Variants in SLIT1 observed in about 807,000 individuals in gnomAD.
SLIT1 encodes the protein slit homolog 1 protein.
Under a neutral mutation model 186.1 loss-of-function variants are expected in SLIT1, and 66 were observed. The observed-to-expected ratio is 0.35, with a 90% confidence interval of 0.29 to 0.44. The LOEUF (loss-of-function observed/expected upper bound fraction) is 0.44. SLIT1 is among the 20% of genes least tolerant of loss of function. The pLI is 1.00. For missense variants in SLIT1, 1,638 were observed against 2,037.4 expected (o/e 0.80, Z 3.77); for synonymous variants, 761 against 833.8 (o/e 0.91, Z 1.50).
At position 97,010,271 on chromosome 10, in the gene SLIT1, C is replaced by G. The variant is rs1848399271; in HGVS notation, c.3341+722G>C. Among the ~76,000 whole-genome samples, 1 of 152,176 alleles carries G rather than the reference C, an allele frequency of 6.6e-6. No individual in the cohort carries two copies. The highest frequency in any genetic ancestry group is 2.4e-5 in the African/African-American group (1 of 41,424). ...GACACATGTTACCACACGGATGAAC[C>G]TCAAAACATGATGCTGAGTGAAAGC... is the stretch of plus-strand genomic sequence containing the variant. On this transcript the variant is annotated intron_variant, in intron 31 of 36. Coordinates refer to ENST00000266058, the MANE Select transcript of SLIT1 (RefSeq NM_003061.3). The surrounding 1 kb of genome is among the most constrained non-coding windows in gnomAD (Gnocchi z 4.8).
At chr10:97,139,494 A>G (rs1347255530) in intron 4 of SLIT1, among the ~76,000 whole-genome samples, 2 of 152,224 alleles carry the variant, frequency 1.3e-5, no homozygotes. Context: ...CTAAGAGAAG[A>G]GTATTATCAA....
At chr10:97,013,997 A>C in intron 29 of SLIT1, 22 bp downstream of exon 29, 1 of 1,611,106 alleles carries the variant, frequency 6.2e-7, no homozygotes, top group Non-Finnish European at 8.5e-7. Flanking sequence ...TCCCCCAGAC[A>C]CTGCTGCCCT....
Position 97,048,993 on chromosome 10 carries a change from C to T in SLIT1, c.1427G>A (p.Arg476His), listed in dbSNP as rs945505865. 17 of 1,609,652 alleles carry T rather than the reference C, an allele frequency of 1.1e-5. No individual in the cohort carries two copies. The highest frequency in any genetic ancestry group is 4.1e-5 in the African/African-American group (3 of 73,906). The change falls in exon 14 of 37, where the codon CGC becomes CAC. Residue 476 changes from arginine to histidine, a missense_variant. Physicochemically the swap from Arg to His is conservative, Grantham distance 29. This residue lies in a region of SLIT1 where 1,245 missense variants were observed against 1,535.3 expected (regional missense o/e 0.81). Coordinates refer to ENST00000266058, the MANE Select transcript of SLIT1 (RefSeq NM_003061.3). Reference protein sequence around the residue: ...CASPRRLANKRIGQIKSKKFR... With the variant: ...CASPRRLANKHIGQIKSKKFR... ...CTTCTTGCTCTTGATCTGCCCGATGCGCTTGTTGGCGAGGCGCCGGGGACT... is the reference window on the plus strand; with the variant it reads ...CTTCTTGCTCTTGATCTGCCCGATGTGCTTGTTGGCGAGGCGCCGGGGACT...
At chr10:97,171,818 CA>C (rs1327351394) in intron 1 of SLIT1, among the ~76,000 whole-genome samples, 446 of 137,306 alleles carry the variant, frequency 3.2e-3, no homozygotes, top group South Asian at 3.5e-3. Context: ...AACTCCATCT[CA>C]AAAAAAAAAA....
chr10:97,135,361 GA>G (rs1213817271), intron 4 of SLIT1, among the ~76,000 whole-genome samples: 2 of 152,194 alleles, frequency 1.3e-5, no homozygotes, highest in African/African-American at 4.8e-5. Context: ...AAAGAGGAGG[GA>G]AGGGACATGC....
intron 4 of SLIT1, among the ~76,000 whole-genome samples, chr10:97,109,334 G>A (rs190409034): frequency 2.0e-5 from 3 of 152,194 alleles, no homozygotes; most frequent in South Asian, 2.1e-4. Flanking sequence ...AATGATGCCC[G>A]CACTCCTATC....
chr10:97,063,347 C>T, intron 8 of SLIT1, 108 bp downstream of exon 8: 1 of 1,236,104 alleles, frequency 8.1e-7, no homozygotes, highest in Non-Finnish European at 1.2e-6. Flanking sequence ...TGGGCGGGGT[C>T]AGGAGGTGAT....
intron 4 of SLIT1, among the ~76,000 whole-genome samples, chr10:97,090,535 G>A (rs1187625243): frequency 6.6e-6 from 1 of 152,202 alleles, no homozygotes; most frequent in Non-Finnish European, 1.5e-5. Context: ...GAGAGCAGCA[G>A]GGTCTGGCTG....
chr10:97,056,712 G>A (rs1002748784), intron 12 of SLIT1, among the ~76,000 whole-genome samples: 1 of 152,224 alleles, frequency 6.6e-6, no homozygotes, highest in African/African-American at 2.4e-5. Flanking sequence ...TGCTAGAGAT[G>A]CCCTGTGGGA....
chr10:97,113,137 A>T (rs1849479609), intron 4 of SLIT1, among the ~76,000 whole-genome samples: 1 of 152,188 alleles, frequency 6.6e-6, no homozygotes, highest in Admixed American at 6.5e-5. Context: ...ATCTACAAAG[A>T]TGCATTAATT....
In SLIT1 at chr10:97,068,681, C is replaced by T. The variant is rs1342292573; in HGVS notation, c.414-2595G>A. Among the ~76,000 whole-genome samples the T allele has an allele frequency of 2.0e-5, 3 of 152,166 alleles. No individual in the cohort carries two copies. Among genetic ancestry groups the T allele is most frequent in the South Asian group, 2.1e-4 (1 of 4,828 alleles). ...TCTTGTGGGGGAAGCTTCCTCCTCC[C>T]GCACTCGCCCGGCCCCACCTTCCCT... is the stretch of plus-strand genomic sequence containing the variant. On this transcript the variant is annotated intron_variant, in intron 4 of 36. Transcript: ENST00000266058. The surrounding 1 kb of genome is among the most constrained non-coding windows in gnomAD (Gnocchi z 4.2).
At position 97,157,836 on chromosome 10, in the gene SLIT1, T is replaced by A; in HGVS notation, c.395A>T (p.Asn132Ile). The change falls in exon 4 of 37, where the codon AAC (asparagine) becomes ATC (isoleucine). Residue 132 changes from asparagine (N) to isoleucine (I), a missense_variant. This residue lies in a region of SLIT1 where 1,245 missense variants were observed against 1,535.3 expected (regional missense o/e 0.81). Transcript: ENST00000266058. ...HMLPELLFQN[N>I]QALSRLDLSE... is the part of the protein sequence containing the mutation. ...CACTCACAGTCTTGACAAAGCCTGG[T>A]TGTTCTGGAACAGCAGTTCCGGTAA... 1 of 1,613,928 alleles carries A rather than the reference T, an allele frequency of 6.2e-7. No individual in the cohort carries two copies. Among genetic ancestry groups the A allele is most frequent in the Non-Finnish European group, 8.5e-7 (1 of 1,179,734 alleles).
In SLIT1 at chr10:97,052,091, T is replaced by G. The variant is rs1039059542; in HGVS notation, c.1302-2973A>C. ...AAAGATGGCATATTGTATGATTCGG[T>G]TTTTTTTTGTTTGTTTTTTTTTTTT... On this transcript the variant is annotated intron_variant, in intron 13 of 36. Coordinates refer to ENST00000266058, the MANE Select transcript of SLIT1 (RefSeq NM_003061.3). Among the ~76,000 whole-genome samples the G allele has an allele frequency of 2.9e-4, 31 of 106,070 alleles. No individual in the cohort carries two copies. The East Asian group carries it at 3.3e-3, about 11-fold the overall frequency. The allele number at this position is 106,070 out of a possible 152,430, so 69.6% of individuals were successfully genotyped here. A position where few individuals can be genotyped will look rare whatever the true frequency, so the allele number is the denominator to read the frequency against.
In SLIT1 at chr10:97,175,407, C is replaced by T. The variant is rs141541023; in HGVS notation, c.197+10071G>A. Among the ~76,000 whole-genome samples, 448 of 152,228 alleles carry T rather than the reference C, an allele frequency of 2.9e-3. 1 individual carries two copies. The highest frequency in any genetic ancestry group is 0.011 in the African/African-American group (438 of 41,530). ...TGTGTTCAGTTCTTTTGGGTATTTA[C>T]TTTGAAGTGAAATTGCTGGGTCATA... On this transcript the variant is annotated intron_variant, in intron 1 of 36. Coordinates refer to ENST00000266058, the MANE Select transcript of SLIT1 (RefSeq NM_003061.3).
chr10:97,165,386 C>T (rs1008004676), intron 1 of SLIT1, among the ~76,000 whole-genome samples: 1 of 152,120 alleles, frequency 6.6e-6, no homozygotes, highest in Non-Finnish European at 1.5e-5. Flanking sequence ...TCTGGTGGCA[C>T]TGGCTCCTGC....
At chr10:97,095,286 A>G (rs1293054052) in intron 4 of SLIT1, among the ~76,000 whole-genome samples, 5 of 152,210 alleles carry the variant, frequency 3.3e-5, no homozygotes, top group African/African-American at 1.2e-4. Flanking sequence ...CCTTCTCAAA[A>G]ACAAAAAAAA....
chr10:97,086,579 C>A (rs1372883377), intron 4 of SLIT1, among the ~76,000 whole-genome samples: 2 of 151,622 alleles, frequency 1.3e-5, no homozygotes, highest in Non-Finnish European at 2.9e-5. Flanking sequence ...CTCCAACCCT[C>A]CCAAAAAAAA....
At chr10:97,115,112 C>T (rs1564679528) in intron 4 of SLIT1, among the ~76,000 whole-genome samples, 2 of 152,218 alleles carry the variant, frequency 1.3e-5, no homozygotes, top group African/African-American at 2.4e-5. Flanking sequence ...ACATCAGAGG[C>T]CATGTGAGCT....
intron 30 of SLIT1, 21 bp from the exon 31 acceptor site, chr10:97,011,151 G>A (rs775752976): frequency 1.3e-6 from 2 of 1,597,450 alleles, no homozygotes; most frequent in Non-Finnish European, 8.6e-7. Flanking sequence ...GGGGGCAGGG[G>A]TAGTTGGGGG....
Sources: allele counts gnomAD v4.1 joint callset (sites outside exome capture counted in the v4.1 genomes callset), GRCh38; gene constraint gnomAD v4.1.1; regional missense constraint gnomAD v4.1.1; non-coding constraint Gnocchi (gnomAD v3.1); transcripts MANE v1.5; gene names NCBI Gene and HGNC (gene_info 2026-07-23, HGNC 2026-07-21).